Variants in FGF14 observed in about 807,000 individuals in gnomAD.
FGF14 encodes the protein fibroblast growth factor 14.
FGF14 carries 5 observed loss-of-function variants against 25.5 expected under a neutral mutation model. The ratio of observed to expected loss-of-function variants is 0.20; its 90% CI spans 0.10 to 0.41. FGF14 has a LOEUF of 0.41. Ranked by LOEUF, FGF14 falls within the 10% of genes least tolerant of loss-of-function variation. The pLI is 1.00. For synonymous variants in FGF14, 138 were observed against 118.3 expected (o/e 1.17, Z -1.08); for missense variants, 222 against 320.1 (o/e 0.69, Z 2.34).
chr13:102,046,585 A>T (rs889586213), intron 1 of FGF14, among the ~76,000 whole-genome samples: 7 of 152,174 alleles, frequency 4.6e-5, no homozygotes, highest in African/African-American at 1.7e-4. Flanking sequence ...CTGTTAAACT[A>T]CCATTTTGCT....
At chr13:102,396,214 G>A (rs535668904) in intron 1 of FGF14, among the ~76,000 whole-genome samples, 162 of 152,264 alleles carry the variant, frequency 1.1e-3, no homozygotes, top group Admixed American at 3.5e-3. Flanking sequence ...GAGGTAAATA[G>A]TATTACCTCC....
At chr13:102,324,826 C>T (rs532522281) in intron 1 of FGF14, among the ~76,000 whole-genome samples, 15 of 152,268 alleles carry the variant, frequency 9.9e-5, no homozygotes, top group African/African-American at 3.4e-4. Flanking sequence ...GTGTTCAAAA[C>T]GTGTTACAAA....
intron 1 of FGF14, among the ~76,000 whole-genome samples, chr13:102,357,127 T>TG (rs935448088): frequency 1.3e-5 from 2 of 150,702 alleles, no homozygotes; most frequent in Middle Eastern, 3.4e-3. Flanking sequence ...TATAATGTTT[T>TG]TTTTTTTTTA....
At chr13:102,338,644 T>G (rs2056857880) in intron 1 of FGF14, among the ~76,000 whole-genome samples, 1 of 152,146 alleles carries the variant, frequency 6.6e-6, no homozygotes, top group Admixed American at 6.5e-5. Context: ...TCAAATAATC[T>G]ATCATTGATA....
At chr13:102,323,212 A>T (rs188635259) in intron 1 of FGF14, among the ~76,000 whole-genome samples, 1 of 152,302 alleles carries the variant, frequency 6.6e-6, no homozygotes, top group East Asian at 1.9e-4. Flanking sequence ...CACTGAGAAA[A>T]ATTGTTCCAT....
intron 1 of FGF14, among the ~76,000 whole-genome samples, chr13:102,211,713 T>C (rs2050168500): frequency 6.6e-6 from 1 of 152,170 alleles, no homozygotes; most frequent in Admixed American, 6.5e-5. Flanking sequence ...TTCAATGAAA[T>C]TTGGTTGCTC....
intron 1 of FGF14, among the ~76,000 whole-genome samples, chr13:101,893,260 C>T (rs1224158540): frequency 6.6e-6 from 1 of 152,168 alleles, no homozygotes; most frequent in East Asian, 1.9e-4. Flanking sequence ...TCCATGATTG[C>T]CTCTGGCAGG....
intron 1 of FGF14, among the ~76,000 whole-genome samples, chr13:101,940,238 T>G (rs142212552): frequency 7.9e-4 from 121 of 152,244 alleles, no homozygotes; most frequent in Non-Finnish European, 1.1e-3. Flanking sequence ...CAGGAGAAAG[T>G]GAAGAACAGT....
At chr13:101,803,113 G>A (rs2040984900) in intron 3 of FGF14, among the ~76,000 whole-genome samples, 1 of 150,760 alleles carries the variant, frequency 6.6e-6, no homozygotes. Flanking sequence ...TTAGTTAAGT[G>A]CTGTCATTTT....
intron 1 of FGF14, among the ~76,000 whole-genome samples, chr13:102,233,496 G>A (rs557616894): frequency 6.6e-6 from 1 of 151,952 alleles, no homozygotes; most frequent in African/African-American, 2.4e-5. Context: ...GTTCCACCAG[G>A]GCAGGGACTT....
intron 1 of FGF14, among the ~76,000 whole-genome samples, chr13:102,291,274 C>T (rs1275045749): frequency 4.6e-5 from 7 of 152,148 alleles, no homozygotes; most frequent in Admixed American, 3.3e-4. Context: ...TACAATTAAG[C>T]CTTTTCTTCT....
chr13:101,852,841 G>T (rs1315496985), intron 3 of FGF14, among the ~76,000 whole-genome samples: 3 of 152,042 alleles, frequency 2.0e-5, no homozygotes, highest in Admixed American at 2.0e-4. Context: ...AAATGCCAGA[G>T]AACTTGGTGT....
chr13:102,291,938 G>A (rs569384232), intron 1 of FGF14, among the ~76,000 whole-genome samples: 1 of 152,098 alleles, frequency 6.6e-6, no homozygotes, highest in African/African-American at 2.4e-5. Context: ...TATAAAACTT[G>A]GAAGCATTTA....
intron 3 of FGF14, among the ~76,000 whole-genome samples, chr13:101,858,303 A>G (rs1015215813): frequency 7.3e-5 from 11 of 151,698 alleles, no homozygotes; most frequent in African/African-American, 1.9e-4. Flanking sequence ...GTCCTCTCAC[A>G]TGTGTGTATA....
At chr13:101,798,758 T>C (rs1246861356) in intron 3 of FGF14, among the ~76,000 whole-genome samples, 3 of 152,174 alleles carry the variant, frequency 2.0e-5, no homozygotes, top group Admixed American at 2.0e-4. Flanking sequence ...GATATGTGCT[T>C]ATTTAAGTCA....
intron 3 of FGF14, among the ~76,000 whole-genome samples, chr13:101,812,631 ATATATATATATATATATATATATTTTTTT>A (rs1380908413): frequency 8.9e-4 from 8 of 8,994 alleles, no homozygotes; most frequent in African/African-American, 2.8e-3. Flanking sequence ...ATATATATAT[ATATATATATATATATATATATATTTTTTT>A]TTTTTTTTTT....
intron 3 of FGF14, among the ~76,000 whole-genome samples, chr13:101,848,567 A>G (rs765862283): frequency 6.6e-6 from 1 of 152,086 alleles, no homozygotes. Flanking sequence ...TGATTGGTAA[A>G]TCCAGGAACT....
chr13:102,379,593 TCAAA>T (rs1389211663), intron 1 of FGF14, among the ~76,000 whole-genome samples: 1 of 151,990 alleles, frequency 6.6e-6, no homozygotes, highest in African/African-American at 2.4e-5. Flanking sequence ...AGTTCAGTGG[TCAAA>T]CATTTACTAT....
chr13:101,836,019 C>T (rs1460180756), intron 3 of FGF14, among the ~76,000 whole-genome samples: 1 of 151,884 alleles, frequency 6.6e-6, no homozygotes, highest in East Asian at 1.9e-4. Context: ...GATGCAGAAT[C>T]CATAATAGTG....
Sources: gnomAD v4.1 joint callset for allele counts (sites outside exome capture counted in the v4.1 genomes callset) on GRCh38, gnomAD v4.1.1 for gene constraint, MANE v1.5 for transcripts, NCBI Gene and HGNC (gene_info 2026-07-23, HGNC 2026-07-21) for gene names.